The following DMD variants were observed in gnomAD, a reference collection of about 807,000 sequenced individuals.
DMD encodes mutant dystrophin.
A neutral mutation model predicts 330.1 loss-of-function variants in DMD; 63 were observed. That is an observed-to-expected ratio of 0.19 (90% confidence interval 0.16 to 0.24). The LOEUF (loss-of-function observed/expected upper bound fraction) is 0.24, where lower values mean the gene tolerates loss of function less well. Ranked by LOEUF, DMD falls within the 10% of genes least tolerant of loss-of-function variation. The pLI, the probability that DMD is intolerant of heterozygous loss-of-function variation, is 1.00. For missense variants in DMD, 3,344 were observed against 2,684.1 expected (o/e 1.25, Z -5.43); for synonymous variants, 1,223 against 959.8 (o/e 1.27, Z -5.07).
chrX:32,226,740 T>G (rs774881515), intron 43 of DMD, among the ~76,000 whole-genome samples: 1 of 111,201 alleles, frequency 9.0e-6, no homozygotes, highest in South Asian at 3.8e-4. Context: ...CTCATTCAGC[T>G]TTTTCAGGAG....
At position 31,431,434 on chromosome X, in the gene DMD, G is replaced by A. The variant is rs553442066; in HGVS notation, c.9084+13047C>T. Reference sequence around the variant, plus strand: ...TATTTTGAGACGGAGTTTCGCTCTTGTTGCCCCGGCTGGAGTGCAATGGCG... The same window carrying A: ...TATTTTGAGACGGAGTTTCGCTCTTATTGCCCCGGCTGGAGTGCAATGGCG... On this transcript the variant is annotated intron_variant, in intron 60 of 78. Transcript: ENST00000357033. 8.1e-5 allele frequency among the ~76,000 whole-genome samples: 9 copies of A among 111,410 alleles called. No homozygotes were observed. The South Asian group carries it at 2.6e-3, about 33-fold the overall frequency.
At chrX:31,700,950 TTAAC>T (rs1349604919) in intron 52 of DMD, among the ~76,000 whole-genome samples, 1 of 111,887 alleles carries the variant, frequency 8.9e-6, no homozygotes, top group Non-Finnish European at 1.9e-5. Context: ...ATCTCAGTCA[TTAAC>T]TAATTAAGTG....
At chrX:31,802,315 T>G (rs1347840201) in intron 50 of DMD, among the ~76,000 whole-genome samples, 4 of 111,285 alleles carry the variant, frequency 3.6e-5, no homozygotes, top group African/African-American at 1.3e-4. Context: ...AGATTAGGTT[T>G]GGATGACAGT....
intron 1 of DMD, among the ~76,000 whole-genome samples, chrX:33,270,297 T>A (rs2053131501): frequency 9.2e-6 from 1 of 108,263 alleles, no homozygotes; most frequent in Non-Finnish European, 1.9e-5. Flanking sequence ...TAGCTGTGAG[T>A]AAAGTAAGGC....
At position 32,468,716 on chromosome X, in the gene DMD, A is replaced by G. The variant is rs2040310625; in HGVS notation, c.2950-6T>C. The G allele has an allele frequency of 5.0e-6, 6 of 1,197,421 alleles. No homozygotes were observed. The highest frequency in any genetic ancestry group is 6.8e-6 in the Non-Finnish European group (6 of 883,442). ...TGCAGAGAACTTTGTAAAGCCTAAA[A>G]AACAATTTTTTAAATACATTTACCC... On this transcript the variant is annotated splice_polypyrimidine_tract_variant and splice_region_variant and intron_variant, in intron 22 of 78. Transcript: ENST00000357033.
Position 32,911,716 on chromosome X carries a change from A to G in DMD, c.94-61896T>C, listed in dbSNP as rs139425511. On this transcript the variant is annotated intron_variant, in intron 2 of 78. Coordinates refer to ENST00000357033, the MANE Select transcript of DMD (RefSeq NM_004006.3). ...GTTAAGTTTGACATTGTCAAGTGTT[A>G]GAATTTGGGAGCAAGCAGAATTTTT... Among the ~76,000 whole-genome samples, 902 of 111,479 alleles carry G rather than the reference A, an allele frequency of 8.1e-3. 8 individuals carry two copies. The highest frequency in any genetic ancestry group is 0.028 in the African/African-American group (858 of 30,767).
chrX:33,200,904 A>G (rs761300145), intron 1 of DMD, among the ~76,000 whole-genome samples: 4 of 103,218 alleles, frequency 3.9e-5, no homozygotes, highest in African/African-American at 1.4e-4. Context: ...TACCATGGAA[A>G]CGCACATGAT....
At chrX:31,741,029 T>C (rs1389007462) in intron 51 of DMD, among the ~76,000 whole-genome samples, 1 of 112,002 alleles carries the variant, frequency 8.9e-6, no homozygotes, top group Non-Finnish European at 1.9e-5. Context: ...GTAGAGTGCA[T>C]CTCATGAAAC....
chrX:32,611,079 A>G (rs867420164), intron 12 of DMD, among the ~76,000 whole-genome samples: 4 of 111,052 alleles, frequency 3.6e-5, no homozygotes, highest in Non-Finnish European at 7.6e-5. Context: ...AGGTTTAAAT[A>G]AAGTCAACTC....
chrX:31,506,947 T>C (rs1465258324), intron 56 of DMD, among the ~76,000 whole-genome samples: 2 of 112,128 alleles, frequency 1.8e-5, no homozygotes, highest in Non-Finnish European at 3.8e-5. Flanking sequence ...TATCCGTTAA[T>C]TTTTTATCAC....
In DMD at chrX:31,324,534, A is replaced by G. The variant is rs763631539; in HGVS notation, c.9164-876T>C. 1.2e-4 allele frequency among the ~76,000 whole-genome samples: 13 copies of G among 110,825 alleles called. No homozygotes were observed. The South Asian group carries it at 3.8e-3, about 33-fold the overall frequency. The stretch of plus-strand genomic sequence containing the variant: ...AATCTTGTTGAGGAGGCACTATAAC[A>G]TTTCCTCAACAATATAATCTTCCTC... On this transcript the variant is annotated intron_variant, in intron 61 of 78. Transcript: ENST00000357033.
At chrX:31,722,691 A>G (rs73619006) in intron 52 of DMD, among the ~76,000 whole-genome samples, 3,408 of 110,719 alleles carry the variant, frequency 0.031, 134 homozygotes, top group African/African-American at 0.11. Flanking sequence ...GATGAAACTT[A>G]TGTTACTTGA....
At chrX:32,803,422 A>G (rs138952048) in intron 7 of DMD, among the ~76,000 whole-genome samples, 1,394 of 103,013 alleles carry the variant, frequency 0.014, 19 homozygotes, top group African/African-American at 0.053. Flanking sequence ...CAGCTCCTGA[A>G]TTGAGTTTTT....
chrX:32,042,190 T>TACACAC lies in DMD; in HGVS notation c.6439-73682_6439-73677dup, dbSNP rs201543879. On this transcript the variant is annotated intron_variant, in intron 44 of 78. Coordinates refer to ENST00000357033, the MANE Select transcript of DMD (RefSeq NM_004006.3). ...ATATGTATACATATATACATACATA[T>TACACAC]ACACACACACACACATACACATACA... Among the ~76,000 whole-genome samples, 387 of 82,937 alleles carry TACACAC rather than the reference T, an allele frequency of 4.7e-3. 6 individuals are homozygous for TACACAC. The highest frequency in any genetic ancestry group is 0.016 in the African/African-American group (359 of 22,105). 72.0% of individuals were successfully genotyped at this position (82,937 alleles called of 115,157 possible). A position where few individuals can be genotyped will look rare whatever the true frequency, so the allele number is the denominator to read the frequency against.
intron 1 of DMD, among the ~76,000 whole-genome samples, chrX:33,323,473 CTG>C (rs1051762328): frequency 9.0e-6 from 1 of 111,578 alleles, no homozygotes; most frequent in African/African-American, 3.3e-5. Flanking sequence ...TTTTCTACAG[CTG>C]TGTCTATGGG....
chrX:31,212,168 GTGTGTGTGTA>G (rs71820273), intron 64 of DMD, among the ~76,000 whole-genome samples: 13,884 of 79,035 alleles, frequency 0.18, 761 homozygotes, highest in Middle Eastern at 0.2. Context: ...ATATATATAT[GTGTGTGTGTA>G]TGTGTGTGTG....
intron 17 of DMD, among the ~76,000 whole-genome samples, chrX:32,529,303 C>A (rs2047238124): frequency 9.3e-6 from 1 of 107,751 alleles, no homozygotes; most frequent in Admixed American, 1.0e-4. Context: ...TGCACCCCAA[C>A]CACCTTGGGC....
chrX:33,059,811 G>T (rs2094560949), intron 1 of DMD, among the ~76,000 whole-genome samples: 1 of 111,722 alleles, frequency 9.0e-6, no homozygotes, highest in African/African-American at 3.2e-5. Context: ...GGTGATGGTG[G>T]ACAGAAATTT....
At chrX:32,028,336 C>T (rs909196563) in intron 44 of DMD, among the ~76,000 whole-genome samples, 1 of 110,714 alleles carries the variant, frequency 9.0e-6, no homozygotes, top group African/African-American at 3.3e-5. Context: ...GTTGCATATA[C>T]AAGTCTGGAA....
Sources: allele counts gnomAD v4.1 joint callset (sites outside exome capture counted in the v4.1 genomes callset), GRCh38; gene constraint gnomAD v4.1.1; transcripts MANE v1.5; gene names NCBI Gene and HGNC (gene_info 2026-07-23, HGNC 2026-07-21).